Variants in WFS1 observed in about 807,000 individuals in gnomAD.
WFS1 encodes wolframin.
In WFS1, 90 loss-of-function variants were observed where a neutral mutation model predicts 68.5. That is an observed-to-expected ratio of 1.31 (90% CI 1.11 to 1.56). WFS1 has a LOEUF of 1.56. WFS1 is among the 40% of genes most tolerant of loss of function. The pLI is 0.00. For synonymous variants in WFS1, 860 were observed against 540.7 expected (o/e 1.59, Z -8.19); for missense variants, 1,767 against 1,232.6 (o/e 1.43, Z -6.49).
At position 6,291,214 on chromosome 4, in the gene WFS1, G is replaced by A. The variant is rs1465218377; in HGVS notation, c.478G>A (p.Glu160Lys). 5.0e-6 allele frequency: 8 copies of A among 1,612,570 alleles called. No homozygotes were observed. Among genetic ancestry groups the A allele is most frequent in the East Asian group, 2.2e-5 (1 of 44,872 alleles). ...TCCCTCAGGCATCACGTCCGAGAAC[G>A]AACGGGAGGTGAGGCAGCTCTCCTC... ...ADRRGITSEN[E>K]REVRQLSSET... The change falls in exon 5 of 8, where the codon GAA (glutamate) becomes AAA (lysine). Residue 160 changes from glutamate (E) to lysine (K), a missense_variant. Transcript: ENST00000226760.
chr4:6,300,800 C>T lies in WFS1; in HGVS notation c.1005C>T (p.Asn335=), dbSNP rs1730856694. 1.2e-6 allele frequency: 2 copies of T among 1,613,962 alleles called. No homozygotes were observed. Among genetic ancestry groups the T allele is most frequent in the Non-Finnish European group, 8.5e-7 (1 of 1,179,970 alleles). ...NALIFFFIVS[N]LTIDFFAFFI... ...TCATCTTCTTCTTCATCGTCAGCAA[C>T]CTCACCATCGACTTCTTCGCCTTCT... The change falls in exon 8 of 8, where the codon AAC becomes AAT. Residue 335 remains asparagine (N), a synonymous_variant. Coordinates refer to ENST00000226760, the MANE Select transcript of WFS1 (RefSeq NM_006005.3).
intron 1 of WFS1, among the ~76,000 whole-genome samples, chr4:6,275,788 C>T (rs1214771772): frequency 6.6e-6 from 1 of 152,132 alleles, no homozygotes; most frequent in East Asian, 1.9e-4. Context: ...GAGCCTGGGG[C>T]CACTCCTGAC....
intron 1 of WFS1, 99 bp from the exon 2 acceptor site, chr4:6,277,352 C>G: frequency 1.7e-6 from 2 of 1,180,308 alleles, no homozygotes; most frequent in Non-Finnish European, 2.5e-6. Flanking sequence ...TCTGGCAGCT[C>G]CCACCTGCCT....
intron 7 of WFS1, 37 bp downstream of exon 7, chr4:6,295,226 C>G: frequency 6.2e-7 from 1 of 1,608,816 alleles, no homozygotes; most frequent in Non-Finnish European, 8.5e-7. Flanking sequence ...CGGAGCCTGC[C>G]TCCCAAGGAC....
chr4:6,279,540 C>T (rs1730092630), intron 2 of WFS1, among the ~76,000 whole-genome samples: 1 of 152,188 alleles, frequency 6.6e-6, no homozygotes, highest in East Asian at 1.9e-4. Context: ...ATGTCCCAGG[C>T]TCAGAGAAGT....
intron 6 of WFS1, among the ~76,000 whole-genome samples, chr4:6,293,490 T>C (rs10937718): frequency 0.64 from 97,328 of 152,036 alleles, 31,757 homozygotes; most frequent in East Asian, 0.93. Context: ...GCCTCTGCCA[T>C]GTTATTCCAC....
chr4:6,288,326 G>A (rs568245407), intron 3 of WFS1, among the ~76,000 whole-genome samples: 1 of 152,208 alleles, frequency 6.6e-6, no homozygotes, highest in East Asian at 1.9e-4. Flanking sequence ...AGCATAGTAA[G>A]CCCTTTTATG....
chr4:6,293,352 C>T (rs750788636), intron 6 of WFS1, among the ~76,000 whole-genome samples: 9 of 152,128 alleles, frequency 5.9e-5, no homozygotes, highest in Non-Finnish European at 1.2e-4. Flanking sequence ...CCCAGCACCC[C>T]CATTGTTTCC....
In WFS1 at chr4:6,288,448, C is replaced by T. The variant is rs554874869; in HGVS notation, c.316-539C>T. The T allele has an allele frequency of 2.0e-4, 40 of 204,976 alleles. No homozygotes were observed. In the South Asian group the frequency reaches 3.4e-3, roughly 17 times the overall value. The allele number at this position is 204,976 out of a possible 1,614,324, so 12.7% of individuals were successfully genotyped here. ...CAGATAGTGAATATTCTGGACTCTGCGCAATCTCTGCCGTGTTGCTCAGCT... is the reference window on the plus strand; with the variant it reads ...CAGATAGTGAATATTCTGGACTCTGTGCAATCTCTGCCGTGTTGCTCAGCT... On this transcript the variant is annotated intron_variant, in intron 3 of 7. Transcript: ENST00000226760.
At position 6,302,452 on chromosome 4, in the gene WFS1, T is replaced by G; in HGVS notation, c.2657T>G (p.Phe886Cys). 6.2e-7 allele frequency: 1 copy of G among 1,612,930 alleles called. No individual in the cohort carries two copies. Among genetic ancestry groups the G allele is most frequent in the Non-Finnish European group, 8.5e-7 (1 of 1,180,034 alleles). The change falls in exon 8 of 8, where the codon TTC (phenylalanine) becomes TGC (cysteine). Residue 886 changes from phenylalanine to cysteine, a missense_variant. Transcript: ENST00000226760. ...GCCTTCGACTTCTTTTTCTTCCCAT[T>G]CCTGTCGGCGGCCTGAGGATGGTCC... Reference protein sequence around the residue: ...KFAFDFFFFPFLSAA With the variant: ...KFAFDFFFFPCLSAA
intron 1 of WFS1, among the ~76,000 whole-genome samples, chr4:6,275,605 G>C (rs1161673352): frequency 2.9e-5 from 4 of 138,334 alleles, no homozygotes; most frequent in Non-Finnish European, 6.1e-5. Context: ...GGGGTGGGGG[G>C]GGGGGGTGTG....
At chr4:6,298,892 G>T (rs181331265) in intron 7 of WFS1, among the ~76,000 whole-genome samples, 40 of 152,358 alleles carry the variant, frequency 2.6e-4, no homozygotes, top group African/African-American at 9.4e-4. Context: ...GTGGGGTCTG[G>T]TGCTTCCCCG....
chr4:6,298,629 G>A (rs968774264), intron 7 of WFS1, among the ~76,000 whole-genome samples: 2 of 151,890 alleles, frequency 1.3e-5, no homozygotes, highest in Non-Finnish European at 1.5e-5. Flanking sequence ...TCTGTGGAAG[G>A]CTCAGTCTGT....
In WFS1 at chr4:6,302,562, G is replaced by C. The variant is rs1044411871; in HGVS notation, c.*94G>C. 14 of 1,549,086 alleles carry C rather than the reference G, an allele frequency of 9.0e-6. No homozygotes were observed. The African/African-American group carries it at 1.4e-4, about 15-fold the overall frequency. On this transcript the variant is annotated 3_prime_UTR_variant, in exon 8 of 8. Transcript: ENST00000226760. ...CGACAGGCATGCACCAGTGCCGCCTGTGCCCACGTGTGCAGACTGTGGCTG... is the reference window on the plus strand; with the variant it reads ...CGACAGGCATGCACCAGTGCCGCCTCTGCCCACGTGTGCAGACTGTGGCTG...
At chr4:6,299,814 G>A (rs1426052464) in intron 7 of WFS1, among the ~76,000 whole-genome samples, 1 of 141,082 alleles carries the variant, frequency 7.1e-6, no homozygotes, top group Non-Finnish European at 1.5e-5. Flanking sequence ...AATGCGGGTA[G>A]GTTGCGTGTG....
intron 2 of WFS1, among the ~76,000 whole-genome samples, chr4:6,278,267 T>C (rs957190948): frequency 1.3e-5 from 2 of 152,112 alleles, no homozygotes; most frequent in African/African-American, 4.8e-5. Context: ...AGGCCCTTGG[T>C]GTTCACAGGC....
rs111773340 is a variant in WFS1 at position 6,277,609 on chromosome 4, C to G, written c.154C>G (p.Pro52Ala). The G allele has an allele frequency of 3.2e-5, 50 of 1,575,768 alleles. No individual in the cohort carries two copies. The highest frequency in any genetic ancestry group is 4.0e-5 in the Non-Finnish European group (47 of 1,160,996). ...RAPGPQAGPG[P>A]GVRDAAAPAE... ...ACCCGGACCCCAGGCTGGCCCTGGC[C>G]CTGGTGTTAGAGACGCAGCGGCCCC... Residue 52 changes from proline to alanine, a missense_variant, in exon 2 of 8, where the codon CCT (proline) becomes GCT (alanine). Pro to Ala is a conservative substitution (Grantham distance 27). Transcript: ENST00000226760.
chr4:6,276,524 C>G (rs4558932), intron 1 of WFS1, among the ~76,000 whole-genome samples: 2 of 152,074 alleles, frequency 1.3e-5, no homozygotes, highest in African/African-American at 4.8e-5. Context: ...GACTTCGGTG[C>G]TGTGGCTTGG....
intron 6 of WFS1, among the ~76,000 whole-genome samples, chr4:6,292,588 A>C (rs901242948): frequency 6.6e-6 from 1 of 152,110 alleles, no homozygotes; most frequent in African/African-American, 2.4e-5. Context: ...CTCCACGTGC[A>C]GCTGGCCAGC....
Sources: gnomAD v4.1 joint callset for allele counts (sites outside exome capture counted in the v4.1 genomes callset) on GRCh38, gnomAD v4.1.1 for gene constraint, MANE v1.5 for transcripts, NCBI Gene and HGNC (gene_info 2026-07-23, HGNC 2026-07-21) for gene names.